Variants in NRXN2 observed in about 807,000 individuals in gnomAD.
NRXN2 encodes the protein neurexin 2, also known as neurexin-2-beta.
In NRXN2, 29 loss-of-function variants were observed where a neutral mutation model predicts 128.8. The ratio of observed to expected loss-of-function variants is 0.23; its 90% confidence interval spans 0.17 to 0.31. NRXN2 has a LOEUF of 0.31. Ranked by LOEUF, NRXN2 falls within the 10% of genes least tolerant of loss-of-function variation. The pLI is 1.00. For missense variants in NRXN2, 1,881 were observed against 2,452.6 expected, an observed-to-expected ratio of 0.77 and a Z score of 4.92; for synonymous variants, 1,098 against 1,075.2, an observed-to-expected ratio of 1.02 and a Z score of -0.41.
chr11:64,683,644 AAAG>A (rs1307185970), intron 6 of NRXN2, among the ~76,000 whole-genome samples: 1 of 152,054 alleles, frequency 6.6e-6, no homozygotes, highest in Non-Finnish European at 1.5e-5. Flanking sequence ...AAAGAAAAGA[AAAG>A]AAATTCCCCC....
chr11:64,622,744 G>C lies in NRXN2; in HGVS notation c.4173+9C>G. 6.2e-7 allele frequency: 1 copy of C among 1,602,798 alleles called. No individual in the cohort carries two copies. Among genetic ancestry groups the C allele is most frequent in the Non-Finnish European group, 8.5e-7 (1 of 1,174,630 alleles). ...CTGCCCTAATCCACCAGCCAGAGTG[G>C]GGCCTCACCTGGGTGGTGCTGTCCC... On this transcript the variant is annotated intron_variant, in intron 21 of 22. Coordinates refer to ENST00000265459, the MANE Select transcript of NRXN2 (RefSeq NM_015080.4). The surrounding 1 kb of genome is among the most constrained non-coding windows in gnomAD (Gnocchi z 4.3).
intron 2 of NRXN2, among the ~76,000 whole-genome samples, chr11:64,708,617 C>G (rs1051027503): frequency 1.3e-5 from 2 of 152,162 alleles, no homozygotes; most frequent in Admixed American, 6.5e-5. Flanking sequence ...GGAGGTTCTC[C>G]GTCAATGAGT....
At chr11:64,661,931 AT>A (rs2049084554) in intron 9 of NRXN2, among the ~76,000 whole-genome samples, 1 of 152,242 alleles carries the variant, frequency 6.6e-6, no homozygotes, top group South Asian at 2.1e-4. Context: ...TAGGCACAGA[AT>A]TTTTAGGTAG....
chr11:64,661,292 C>T lies in NRXN2; in HGVS notation c.1799-153G>A, dbSNP rs1565338828. 50 of 1,509,102 alleles carry T rather than the reference C, an allele frequency of 3.3e-5. No individual in the cohort carries two copies. In the South Asian group the frequency reaches 5.7e-4, roughly 17 times the overall value. The allele number at this position is 1,509,102 out of a possible 1,614,324, so 93.5% of individuals were successfully genotyped here. A position where few individuals can be genotyped will look rare whatever the true frequency, so the allele number is the denominator to read the frequency against. ...ACGAGCAGCAGTCCTGGGCTGGAAG[C>T]TCGGCCTCACTCACTGCAAAAACTG... is the stretch of plus-strand genomic sequence containing the variant. On this transcript the variant is annotated intron_variant, in intron 9 of 22. Coordinates refer to ENST00000265459, the MANE Select transcript of NRXN2 (RefSeq NM_015080.4).
intron 22 of NRXN2, among the ~76,000 whole-genome samples, chr11:64,617,321 C>T (rs2041692195): frequency 6.6e-6 from 1 of 152,156 alleles, no homozygotes; most frequent in Non-Finnish European, 1.5e-5. Context: ...GTGTGCTCTT[C>T]TCTTCCTGCA....
chr11:64,622,735 G>A lies in NRXN2; in HGVS notation c.4173+18C>T. On this transcript the variant is annotated intron_variant, in intron 21 of 22. Coordinates refer to ENST00000265459, the MANE Select transcript of NRXN2 (RefSeq NM_015080.4). This position sits in a 1 kb window ranked among gnomAD's most constrained non-coding sequence, Gnocchi z 4.3. ...CACCTATCCCTGCCCTAATCCACCA[G>A]CCAGAGTGGGGCCTCACCTGGGTGG... The A allele has an allele frequency of 6.2e-7, 1 of 1,600,706 alleles. No individual in the cohort carries two copies. Among genetic ancestry groups the A allele is most frequent in the Non-Finnish European group, 8.5e-7 (1 of 1,173,926 alleles).
At chr11:64,653,791 T>G (rs989945427) in intron 11 of NRXN2, 69 bp from the exon 12 acceptor site, 1 of 1,137,648 alleles carries the variant, frequency 8.8e-7, no homozygotes, top group African/African-American at 1.6e-5. Flanking sequence ...TTTTTTTTTT[T>G]ACATCCTTCA....
intron 11 of NRXN2, 55 bp from the exon 12 acceptor site, chr11:64,653,777 G>GTTTT: frequency 1.5e-5 from 15 of 1,032,338 alleles, no homozygotes; most frequent in Non-Finnish European, 1.7e-5. Flanking sequence ...GGTAAAACAA[G>GTTTT]TTTTTTTTTT....
chr11:64,700,780 T>C (rs1362678317), intron 2 of NRXN2, among the ~76,000 whole-genome samples: 2 of 152,128 alleles, frequency 1.3e-5, no homozygotes, highest in Non-Finnish European at 2.9e-5. Flanking sequence ...TACAAACCTC[T>C]CTCCTGTGCT....
Position 64,648,380 on chromosome 11 carries a change from G to A in NRXN2, c.3284-42C>T. 1 of 1,613,582 alleles carries A rather than the reference G, an allele frequency of 6.2e-7. No individual in the cohort carries two copies. Among genetic ancestry groups the A allele is most frequent in the Non-Finnish European group, 8.5e-7 (1 of 1,179,854 alleles). ...AAAGGAACACCCCTGGCTCAGCCAA[G>A]CCCCCTCTTTCCCCAGGAGGTGTGG... On this transcript the variant is annotated intron_variant, in intron 16 of 22. Coordinates refer to ENST00000265459, the MANE Select transcript of NRXN2 (RefSeq NM_015080.4). This position sits in a 1 kb window ranked among gnomAD's most constrained non-coding sequence, Gnocchi z 4.1.
At chr11:64,670,870 T>C (rs892266534) in intron 7 of NRXN2, among the ~76,000 whole-genome samples, 1 of 152,140 alleles carries the variant, frequency 6.6e-6, no homozygotes, top group African/African-American at 2.4e-5. Flanking sequence ...ATCTCCTCTT[T>C]TGGCCTTCAG....
chr11:64,608,145 G>C, intron 22 of NRXN2, 63 bp from the exon 23 acceptor site: 2 of 1,250,652 alleles, frequency 1.6e-6, no homozygotes, highest in Admixed American at 1.9e-5. Context: ...CAGGCGGCCG[G>C]CACAGAGAGA....
intron 19 of NRXN2, among the ~76,000 whole-genome samples, chr11:64,627,564 G>T (rs1288609521): frequency 6.6e-6 from 1 of 151,670 alleles, no homozygotes; most frequent in African/African-American, 2.4e-5. Flanking sequence ...TCTTCTGCAA[G>T]CTTGGCTGCC....
At chr11:64,644,753 G>A (rs983188342) in intron 17 of NRXN2, among the ~76,000 whole-genome samples, 1 of 152,074 alleles carries the variant, frequency 6.6e-6, no homozygotes, top group South Asian at 2.1e-4. Context: ...AGGAGGGCTG[G>A]GTAAGGAAAG....
Position 64,652,285 on chromosome 11 carries a change from G to A in NRXN2, c.2417-131C>T, listed in dbSNP as rs2047577030. On this transcript the variant is annotated intron_variant, in intron 12 of 22. Coordinates refer to ENST00000265459, the MANE Select transcript of NRXN2 (RefSeq NM_015080.4). The stretch of plus-strand genomic sequence containing the variant: ...CACATGAACACATACATGACCAGTG[G>A]CTCATATTTGGCCACGCAACACACC... The A allele has an allele frequency of 3.3e-6, 4 of 1,227,112 alleles. No homozygotes were observed. In the East Asian group the frequency reaches 1.0e-4, roughly 31 times the overall value. The allele number at this position is 1,227,112 out of a possible 1,614,324, so 76.0% of individuals were successfully genotyped here.
At chr11:64,669,159 T>C (rs1277059978) in intron 7 of NRXN2, among the ~76,000 whole-genome samples, 1 of 152,186 alleles carries the variant, frequency 6.6e-6, no homozygotes, top group Non-Finnish European at 1.5e-5. Context: ...AGATGGAAGA[T>C]AGCAGTGTGA....
rs1443196855 is a variant in NRXN2 at position 64,714,684 on chromosome 11, C to T, written c.-244-741G>A. On this transcript the variant is annotated intron_variant, in intron 1 of 22. Transcript: ENST00000265459. This position sits in a 1 kb window ranked among gnomAD's most constrained non-coding sequence, Gnocchi z 4.5. ...CATCCTCAACTTCCAGCTCTCAGTGCTCAGCCTCAGGACTGGCCCCACTAC... is the reference window on the plus strand; with the variant it reads ...CATCCTCAACTTCCAGCTCTCAGTGTTCAGCCTCAGGACTGGCCCCACTAC... Among the ~76,000 whole-genome samples the T allele has an allele frequency of 6.6e-6, 1 of 152,224 alleles. No individual in the cohort carries two copies. The highest frequency in any genetic ancestry group is 1.5e-5 in the Non-Finnish European group (1 of 68,032).
At chr11:64,680,037 G>A (rs2051980756) in intron 6 of NRXN2, among the ~76,000 whole-genome samples, 2 of 152,164 alleles carry the variant, frequency 1.3e-5, no homozygotes, top group South Asian at 2.1e-4. Context: ...GCACAAGCAT[G>A]ACAACACATG....
intron 18 of NRXN2, among the ~76,000 whole-genome samples, chr11:64,633,360 C>T (rs557428732): frequency 1.3e-5 from 2 of 152,342 alleles, no homozygotes; most frequent in South Asian, 4.1e-4. Context: ...ACGTTCTTCA[C>T]ATAAGTGATC....
Sources: gnomAD v4.1 joint callset for allele counts (sites outside exome capture counted in the v4.1 genomes callset) on GRCh38, gnomAD v4.1.1 for gene constraint, Gnocchi (gnomAD v3.1) non-coding constraint, MANE v1.5 for transcripts, NCBI Gene and HGNC (gene_info 2026-07-23, HGNC 2026-07-21) for gene names.